The following VRTN variants were observed in gnomAD, a reference collection of about 807,000 sequenced individuals.
The protein encoded by VRTN is vertebrae development associated, also known as vertnin.
VRTN carries 5 observed loss-of-function variants against 18.2 expected under a neutral mutation model. The observed-to-expected ratio is 0.27, with a 90% CI of 0.14 to 0.58. The LOEUF is 0.58. Among genes scored for constraint, VRTN ranks in the 20% least tolerant of loss-of-function variants. The pLI, the probability that VRTN is intolerant of heterozygous loss-of-function variation, is 0.91. For synonymous variants in VRTN, 381 were observed against 393.7 expected (o/e 0.97, Z 0.38); for missense variants, 741 against 939.4 (o/e 0.79, Z 2.76).
At chr14:74,320,231 C>G (rs2085444326) in intron 1 of VRTN, among the ~76,000 whole-genome samples, 1 of 141,782 alleles carries the variant, frequency 7.1e-6, no homozygotes, top group Non-Finnish European at 1.5e-5. Context: ...GCCTGGGTGA[C>G]AGAGCAAGAT....
At chr14:74,333,120 T>C (rs974218378) in intron 1 of VRTN, among the ~76,000 whole-genome samples, 4 of 152,176 alleles carry the variant, frequency 2.6e-5, no homozygotes, top group Non-Finnish European at 5.9e-5. Context: ...CGGTGGCTCA[T>C]GCCTGTAATC....
Position 74,357,065 on chromosome 14 carries a change from G to C in VRTN, c.282G>C (p.Leu94=), listed in dbSNP as rs774911719. The change falls in exon 2 of 2, where the codon CTG becomes CTC. Residue 94 remains leucine, a synonymous_variant. Coordinates refer to ENST00000256362, the MANE Select transcript of VRTN (RefSeq NM_018228.3). This position sits in a 1 kb window ranked among gnomAD's most constrained non-coding sequence, Gnocchi z 7.8. ...SLLFEAASML[L]WGDAGLSLEL... is the part of the protein sequence containing the mutation. Reference sequence around the variant, plus strand: ...TGTTCGAGGCGGCCAGCATGCTGCTGTGGGGTGACGCAGGCCTCAGCCTGG... The same window carrying C: ...TGTTCGAGGCGGCCAGCATGCTGCTCTGGGGTGACGCAGGCCTCAGCCTGG... 6.2e-7 allele frequency: 1 copy of C among 1,608,786 alleles called. No individual in the cohort carries two copies.
Position 74,358,957 on chromosome 14 carries a change from T to C in VRTN, c.*65T>C, listed in dbSNP as rs745563384. 2.2e-5 allele frequency: 33 copies of C among 1,528,130 alleles called. No homozygotes were observed. Among genetic ancestry groups the C allele is most frequent in the African/African-American group, 4.1e-5 (3 of 72,352 alleles). The allele number at this position is 1,528,130 out of a possible 1,614,324, so 94.7% of individuals were successfully genotyped here. ...TTTGGAGAGGGTCAGGGACCTGAGC[T>C]GACCCCAGGCTTGGCCAGGATGTCC... On this transcript the variant is annotated 3_prime_UTR_variant, in exon 2 of 2. Transcript: ENST00000256362. The surrounding 1 kb of genome is among the most constrained non-coding windows in gnomAD (Gnocchi z 5.4).
chr14:74,358,319 C>T lies in VRTN; in HGVS notation c.1536C>T (p.Arg512=). 1 of 1,612,958 alleles carries T rather than the reference C, an allele frequency of 6.2e-7. No individual in the cohort carries two copies. The highest frequency in any genetic ancestry group is 8.5e-7 in the Non-Finnish European group (1 of 1,179,612). The part of the protein sequence containing the change: ...MPLSRWQRRL[R]RAARRQVLSG... The stretch of plus-strand genomic sequence containing the variant: ...TGTCCCGTTGGCAGAGGCGTCTGCG[C>T]AGGGCTGCCCGCAGGCAGGTGCTGA... The change falls in exon 2 of 2, where the codon CGC becomes CGT. Residue 512 remains arginine (R), a synonymous_variant. Coordinates refer to ENST00000256362, the MANE Select transcript of VRTN (RefSeq NM_018228.3). The surrounding 1 kb of genome is among the most constrained non-coding windows in gnomAD (Gnocchi z 5.4).
intron 1 of VRTN, among the ~76,000 whole-genome samples, chr14:74,310,088 A>G (rs970276090): frequency 6.6e-5 from 10 of 152,120 alleles, no homozygotes; most frequent in Non-Finnish European, 8.8e-5. Flanking sequence ...TGTAGAATAT[A>G]TTTTGCAGCT....
At chr14:74,332,075 T>C (rs1327712067) in intron 1 of VRTN, among the ~76,000 whole-genome samples, 2 of 152,062 alleles carry the variant, frequency 1.3e-5, no homozygotes, top group Non-Finnish European at 2.9e-5. Context: ...GGGCCTGAAG[T>C]TGAAGCCACA....
chr14:74,358,966 G>C lies in VRTN; in HGVS notation c.*74G>C, dbSNP rs961452870. 31 of 1,508,052 alleles carry C rather than the reference G, an allele frequency of 2.1e-5. No individual in the cohort carries two copies. In the African/African-American group the frequency reaches 4.2e-4, roughly 20 times the overall value. The allele number at this position is 1,508,052 out of a possible 1,614,324, so 93.4% of individuals were successfully genotyped here. On this transcript the variant is annotated 3_prime_UTR_variant, in exon 2 of 2. Transcript: ENST00000256362. The surrounding 1 kb of genome is among the most constrained non-coding windows in gnomAD (Gnocchi z 5.4). ...GGTCAGGGACCTGAGCTGACCCCAG[G>C]CTTGGCCAGGATGTCCTTTGCTCTG...
intron 1 of VRTN, among the ~76,000 whole-genome samples, chr14:74,328,719 C>T (rs1040448854): frequency 2.8e-4 from 42 of 152,188 alleles, no homozygotes; most frequent in African/African-American, 9.9e-4. Flanking sequence ...AGTTATTGGC[C>T]AGGTGCCCTG....
chr14:74,308,436 C>G (rs930918657), intron 1 of VRTN, among the ~76,000 whole-genome samples: 13 of 152,216 alleles, frequency 8.5e-5, no homozygotes, highest in Non-Finnish European at 2.9e-5. Context: ...TCCTCCTGCT[C>G]TAATCCAGTT....
At chr14:74,327,390 CT>C (rs1363239134) in intron 1 of VRTN, among the ~76,000 whole-genome samples, 1 of 152,182 alleles carries the variant, frequency 6.6e-6, no homozygotes, top group African/African-American at 2.4e-5. Context: ...GCAGTCTGCA[CT>C]GTTTACCTGT....
intron 2 of VRTN, among the ~76,000 whole-genome samples, chr14:74,339,855 G>C (rs1206258071): frequency 6.6e-6 from 1 of 152,168 alleles, no homozygotes. Context: ...TGTCATAAAA[G>C]TAAGACTAGC....
chr14:74,320,898 T>TAAA (rs766559301), intron 1 of VRTN, among the ~76,000 whole-genome samples: 105 of 83,578 alleles, frequency 1.3e-3, no homozygotes, highest in African/African-American at 4.1e-3. Flanking sequence ...CCCATCTCTT[T>TAAA]AAAAAAAAAA....
chr14:74,339,494 G>A (rs2085586659), intron 2 of VRTN, among the ~76,000 whole-genome samples: 1 of 152,024 alleles, frequency 6.6e-6, no homozygotes. Context: ...GAGAGAAAAA[G>A]GAAGGAGAAA....
At chr14:74,330,166 T>C (rs1053198588) in intron 1 of VRTN, among the ~76,000 whole-genome samples, 3 of 151,546 alleles carry the variant, frequency 2.0e-5, no homozygotes, top group East Asian at 2.0e-4. Context: ...TGAGCCACTG[T>C]GCCGGGCCTG....
chr14:74,330,294 CTGTT>C (rs539406878), intron 1 of VRTN, among the ~76,000 whole-genome samples: 14 of 152,218 alleles, frequency 9.2e-5, no homozygotes, highest in Admixed American at 5.2e-4. Flanking sequence ...AGGTGATACT[CTGTT>C]TGTTCTACAT....
chr14:74,335,993 G>T (rs892160515), intron 1 of VRTN, among the ~76,000 whole-genome samples: 1 of 151,316 alleles, frequency 6.6e-6, no homozygotes, highest in African/African-American at 2.4e-5. Context: ...TGCCTGCCTC[G>T]GCTTCTCAAA....
intron 1 of VRTN, among the ~76,000 whole-genome samples, chr14:74,335,089 C>T (rs2085554997): frequency 6.6e-6 from 1 of 152,118 alleles, no homozygotes; most frequent in Admixed American, 6.6e-5. Context: ...TGAGACCAGC[C>T]TGGTCAACAT....
At chr14:74,306,247 C>G (rs2085351757) in intron 1 of VRTN, among the ~76,000 whole-genome samples, 3 of 146,388 alleles carry the variant, frequency 2.0e-5, no homozygotes, top group African/African-American at 7.6e-5. Flanking sequence ...CACAGCTGAC[C>G]GCAGCCTCCA....
intron 1 of VRTN, among the ~76,000 whole-genome samples, chr14:74,355,697 G>T (rs2085721781): frequency 6.6e-6 from 1 of 151,892 alleles, no homozygotes; most frequent in Non-Finnish European, 1.5e-5. Context: ...ACCATGCCTG[G>T]CTAACTTTTT....
Sources: gnomAD v4.1 joint callset for allele counts (sites outside exome capture counted in the v4.1 genomes callset) on GRCh38, gnomAD v4.1.1 for gene constraint, Gnocchi (gnomAD v3.1) non-coding constraint, MANE v1.5 for transcripts, NCBI Gene and HGNC (gene_info 2026-07-23, HGNC 2026-07-21) for gene names.